The following DNMT1 variants were observed in gnomAD, a reference collection of about 807,000 sequenced individuals.
DNMT1 encodes the protein DNA methyltransferase 1.
DNMT1 carries 24 observed loss-of-function variants against 205.3 expected under a neutral mutation model. That is an observed-to-expected ratio of 0.12 (90% CI 0.08 to 0.16). The LOEUF is 0.16. Ranked by LOEUF, DNMT1 falls within the 10% of genes least tolerant of loss-of-function variation. The pLI, the probability that DNMT1 is intolerant of heterozygous loss-of-function variation, is 1.00. For synonymous variants in DNMT1, 817 were observed against 839.8 expected, an observed-to-expected ratio of 0.97 and a Z score of 0.47; for missense variants, 1,293 against 2,177.7, an observed-to-expected ratio of 0.59 and a Z score of 8.09.
At chr19:10,189,215 G>A (rs925878528) in intron 1 of DNMT1, among the ~76,000 whole-genome samples, 2 of 151,214 alleles carry the variant, frequency 1.3e-5, no homozygotes, top group African/African-American at 4.9e-5. Flanking sequence ...CGCCTCCCAA[G>A]TTCAAGCAAT....
chr19:10,164,601 C>CCT (rs1264568825), intron 11 of DNMT1, among the ~76,000 whole-genome samples: 1 of 151,850 alleles, frequency 6.6e-6, no homozygotes, highest in Admixed American at 6.6e-5. Context: ...GGAAACAGAG[C>CCT]AAGATCCTGT....
At chr19:10,172,953 C>A in intron 9 of DNMT1, 137 bp downstream of exon 9, 2 of 1,001,866 alleles carry the variant, frequency 2.0e-6, no homozygotes, top group South Asian at 1.4e-5. Flanking sequence ...TAGCCAAAGT[C>A]AAAGGCATTT....
intron 29 of DNMT1, among the ~76,000 whole-genome samples, chr19:10,143,347 C>T (rs1399770105): frequency 2.7e-5 from 4 of 150,074 alleles, no homozygotes; most frequent in African/African-American, 9.8e-5. Flanking sequence ...TCCCAAGTAG[C>T]TGGGATTACA....
At chr19:10,144,093 A>C (rs1459554561) in intron 28 of DNMT1, 106 bp from the exon 29 acceptor site, 3 of 1,134,256 alleles carry the variant, frequency 2.6e-6, no homozygotes, top group Non-Finnish European at 4.0e-6. Context: ...GCACCTGATG[A>C]ATTAAGGTAG....
At chr19:10,136,322 G>A in intron 37 of DNMT1, 35 bp from the exon 38 acceptor site, 1 of 1,611,802 alleles carries the variant, frequency 6.2e-7, no homozygotes, top group South Asian at 1.1e-5. Flanking sequence ...CTGCAGTTGT[G>A]GGATGGGGTA....
At chr19:10,167,730 C>A (rs926479028) in intron 10 of DNMT1, among the ~76,000 whole-genome samples, 2 of 152,188 alleles carry the variant, frequency 1.3e-5, no homozygotes, top group African/African-American at 4.8e-5. Context: ...ATTTGTCACA[C>A]AGCATTTTCA....
intron 22 of DNMT1, among the ~76,000 whole-genome samples, chr19:10,152,234 C>T (rs1260198013): frequency 1.6e-5 from 1 of 60,702 alleles, no homozygotes; most frequent in African/African-American, 6.7e-5. Context: ...AACAATGAGA[C>T]AAATGATGCA....
chr19:10,184,981 CT>C (rs2039151012), intron 1 of DNMT1, among the ~76,000 whole-genome samples: 1 of 152,240 alleles, frequency 6.6e-6, no homozygotes. Context: ...ACAACAGCTG[CT>C]CTGGGTCATG....
At chr19:10,152,212 A>C in intron 22 of DNMT1, among the ~76,000 whole-genome samples, 1 of 148,654 alleles carries the variant, frequency 6.7e-6, no homozygotes, top group Non-Finnish European at 1.5e-5. Flanking sequence ...GGCAAATCAC[A>C]CAGCCCTTAC....
At chr19:10,175,458 C>T in intron 7 of DNMT1, 82 bp downstream of exon 7, 1 of 1,551,628 alleles carries the variant, frequency 6.4e-7, no homozygotes, top group East Asian at 2.2e-5. Context: ...TTTTTATTTA[C>T]TTGGACAGAA....
At chr19:10,158,529 AGCTGAG>A (rs1389807113) in intron 17 of DNMT1, among the ~76,000 whole-genome samples, 1 of 152,184 alleles carries the variant, frequency 6.6e-6, no homozygotes, top group Non-Finnish European at 1.5e-5. Flanking sequence ...CCGTTCCTGG[AGCTGAG>A]GCATTTCCCA....
At chr19:10,189,307 G>C (rs1442938401) in intron 1 of DNMT1, among the ~76,000 whole-genome samples, 2 of 151,986 alleles carry the variant, frequency 1.3e-5, no homozygotes, top group African/African-American at 4.8e-5. Context: ...ATTTTTAGTA[G>C]AGACGGGGTT....
intron 6 of DNMT1, among the ~76,000 whole-genome samples, chr19:10,176,502 T>C (rs1403025647): frequency 3.9e-5 from 6 of 152,234 alleles, no homozygotes; most frequent in Non-Finnish European, 7.3e-5. Context: ...ATATATCTGA[T>C]AGCAGGGAAT....
chr19:10,170,704 T>C (rs1371708166), intron 9 of DNMT1, among the ~76,000 whole-genome samples: 1 of 152,178 alleles, frequency 6.6e-6, no homozygotes, highest in African/African-American at 2.4e-5. Context: ...AGCCATCCTT[T>C]ACTAAGCTCC....
chr19:10,148,959 T>C lies in DNMT1; in HGVS notation c.2645A>G (p.Gln882Arg), dbSNP rs750081202. The C allele has an allele frequency of 2.5e-6, 4 of 1,614,054 alleles. No individual in the cohort carries two copies. In the Admixed American group the frequency reaches 6.7e-5, roughly 27 times the overall value. The change falls in exon 27 of 41, where the codon CAG (glutamine) becomes CGG (arginine). Residue 882 changes from glutamine (Q) to arginine (R), a missense_variant. Gln to Arg is a conservative substitution (Grantham distance 43). Coordinates refer to ENST00000359526, the MANE Select transcript of DNMT1 (RefSeq NM_001130823.3). ...EGDDGKTYFY[Q>R]LWYDQDYARF... Reference sequence around the variant, plus strand: ...CGCGTAGTCTTGATCATACCACAGCTGGTAGAAGTAGGTCTTCCCGTCGTC... The same window carrying C: ...CGCGTAGTCTTGATCATACCACAGCCGGTAGAAGTAGGTCTTCCCGTCGTC...
At chr19:10,175,108 CACACACACACACACACACACAT>C (rs1349765763) in intron 7 of DNMT1, among the ~76,000 whole-genome samples, 2 of 135,442 alleles carry the variant, frequency 1.5e-5, no homozygotes, top group Non-Finnish European at 3.1e-5. Flanking sequence ...CACACACACA[CACACACACACACACACACACAT>C]ATATATAACA....
chr19:10,148,857 G>A, intron 27 of DNMT1, 27 bp downstream of exon 27: 1 of 1,614,008 alleles, frequency 6.2e-7, no homozygotes, highest in Non-Finnish European at 8.5e-7. Flanking sequence ...AGTGCCTGCT[G>A]ACCCCGAGTC....
chr19:10,180,696 G>C (rs2039030303), intron 3 of DNMT1, 82 bp downstream of exon 3: 4 of 1,495,194 alleles, frequency 2.7e-6, no homozygotes, highest in Non-Finnish European at 2.8e-6. Flanking sequence ...GACAGCTGGG[G>C]ATCTTGCTGC....
intron 30 of DNMT1, 149 bp from the exon 31 acceptor site, chr19:10,141,338 T>C (rs2089597098): frequency 1.3e-6 from 1 of 753,958 alleles, no homozygotes; most frequent in East Asian, 2.6e-5. Flanking sequence ...AGTTTGACTT[T>C]GCTACAATAG....
Sources: allele counts gnomAD v4.1 joint callset (sites outside exome capture counted in the v4.1 genomes callset), GRCh38; gene constraint gnomAD v4.1.1; transcripts MANE v1.5; gene names NCBI Gene and HGNC (gene_info 2026-07-23, HGNC 2026-07-21).